The following KCNMB2 variants were observed in gnomAD, a reference collection of about 807,000 sequenced individuals.
The protein encoded by KCNMB2 is potassium calcium-activated channel subfamily M regulatory beta subunit 2.
In KCNMB2, 9 loss-of-function variants were observed where a neutral mutation model predicts 24.5. That is an observed-to-expected ratio of 0.37 (90% CI 0.22 to 0.64). The LOEUF (loss-of-function observed/expected upper bound fraction) is 0.64, where lower values mean the gene tolerates loss of function less well. Ranked by LOEUF, KCNMB2 falls within the 30% of genes least tolerant of loss-of-function variation. KCNMB2 has a pLI of 0.63. For missense variants in KCNMB2, 226 were observed against 284.3 expected (o/e 0.79, Z 1.47); for synonymous variants, 109 against 104.4 (o/e 1.04, Z -0.27).
chr3:178,720,005 G>A (rs565836176), intron 1 of KCNMB2, among the ~76,000 whole-genome samples: 1 of 152,042 alleles, frequency 6.6e-6, no homozygotes, highest in South Asian at 2.1e-4. Context: ...TATACTTTAA[G>A]TTTTAGGGTA....
intron 1 of KCNMB2, among the ~76,000 whole-genome samples, chr3:178,555,052 G>C (rs558291971): frequency 9.9e-5 from 15 of 152,210 alleles, no homozygotes; most frequent in Admixed American, 7.8e-4. Flanking sequence ...TGAAAAGAGA[G>C]GTGATAGAAA....
rs902963845 is a variant in KCNMB2, at chr3:178,658,897, G to A, written c.-68+122186G>A. ...AATCTCATTAAGTCTGGCATGCACA[G>A]TGCTGAGTGAACATGAATGACATAC... On this transcript the variant is annotated intron_variant, in intron 1 of 4. Transcript: ENST00000452583. Among the ~76,000 whole-genome samples, 9 of 152,336 alleles carry A rather than the reference G, an allele frequency of 5.9e-5. No homozygotes were observed. In the Middle Eastern group the frequency reaches 0.01, roughly 173 times the overall value.
rs1436386549 is a variant in KCNMB2 at position 178,755,194 on chromosome 3, T to A, written c.-67-52149T>A. ...AGCAACAAGGAGACATGCCTGTGCA[T>A]AGCAGGAGCACTCAAAAAACGCCCC... On this transcript the variant is annotated intron_variant, in intron 1 of 4. Coordinates refer to ENST00000452583, the MANE Select transcript of KCNMB2 (RefSeq NM_181361.3). Among the ~76,000 whole-genome samples, 3 of 152,306 alleles carry A rather than the reference T, an allele frequency of 2.0e-5. No individual in the cohort carries two copies. The South Asian group carries it at 6.2e-4, about 32-fold the overall frequency.
intron 4 of KCNMB2, among the ~76,000 whole-genome samples, chr3:178,830,849 A>T (rs1715027007): frequency 6.6e-6 from 1 of 152,126 alleles, no homozygotes; most frequent in African/African-American, 2.4e-5. Context: ...TGTGTTGTAA[A>T]TATCTTCTCG....
chr3:178,786,349 C>A (rs1713097556), intron 1 of KCNMB2, among the ~76,000 whole-genome samples: 1 of 152,140 alleles, frequency 6.6e-6, no homozygotes, highest in Admixed American at 6.6e-5. Flanking sequence ...AAAATTTCCA[C>A]AATTAATCAT....
intron 1 of KCNMB2, among the ~76,000 whole-genome samples, chr3:178,779,242 T>C (rs148568896): frequency 3.9e-5 from 6 of 152,322 alleles, no homozygotes; most frequent in African/African-American, 1.4e-4. Flanking sequence ...CCAGAAATTC[T>C]TCCCACTGTT....
intron 1 of KCNMB2, among the ~76,000 whole-genome samples, chr3:178,693,936 T>G (rs888557881): frequency 9.2e-5 from 14 of 151,934 alleles, no homozygotes; most frequent in African/African-American, 3.4e-4. Context: ...TGCCTCAATT[T>G]CAGAGCTCAT....
In KCNMB2 at chr3:178,682,117, T is replaced by C. The variant is rs73044295; in HGVS notation, c.-67-125226T>C. Among the ~76,000 whole-genome samples the C allele has an allele frequency of 1.7e-3, 253 of 152,298 alleles. 1 individual carries two copies. The highest frequency in any genetic ancestry group is 5.8e-3 in the African/African-American group (242 of 41,580). On this transcript the variant is annotated intron_variant, in intron 1 of 4. Coordinates refer to ENST00000452583, the MANE Select transcript of KCNMB2 (RefSeq NM_181361.3). ...CCCCTGCCATTCTTCTCCACTTCCC[T>C]GGTCAAGTGGAAGGACATGGAGTAT...
At chr3:178,613,578 T>C (rs1032660426) in intron 1 of KCNMB2, among the ~76,000 whole-genome samples, 5 of 152,184 alleles carry the variant, frequency 3.3e-5, no homozygotes, top group African/African-American at 1.2e-4. Context: ...TTCTCCTTCA[T>C]GATGAAGGAT....
intron 1 of KCNMB2, among the ~76,000 whole-genome samples, chr3:178,694,177 C>T (rs1311401440): frequency 6.6e-6 from 1 of 152,170 alleles, no homozygotes; most frequent in African/African-American, 2.4e-5. Context: ...AATGAGTGGA[C>T]AGTGGACTGG....
At chr3:178,818,243 C>T (rs1219459096) in intron 2 of KCNMB2, among the ~76,000 whole-genome samples, 2 of 152,130 alleles carry the variant, frequency 1.3e-5, no homozygotes, top group African/African-American at 4.8e-5. Context: ...ACAAATGATG[C>T]CCAGATCTAA....
chr3:178,789,628 T>G (rs1055514773), intron 1 of KCNMB2, among the ~76,000 whole-genome samples: 1 of 152,134 alleles, frequency 6.6e-6, no homozygotes, highest in Non-Finnish European at 1.5e-5. Flanking sequence ...GGACTTTGCA[T>G]TGAAATTCAC....
At chr3:178,762,120 G>A (rs1458797033) in intron 1 of KCNMB2, among the ~76,000 whole-genome samples, 15 of 152,114 alleles carry the variant, frequency 9.9e-5, no homozygotes, top group African/African-American at 3.4e-4. Flanking sequence ...GCAGTGAGCC[G>A]AGATCGCACC....
At chr3:178,818,869 CA>C (rs1714510260) in intron 2 of KCNMB2, among the ~76,000 whole-genome samples, 1 of 152,116 alleles carries the variant, frequency 6.6e-6, no homozygotes, top group African/African-American at 2.4e-5. Context: ...TCCCTGCCCA[CA>C]ATATCCTGGA....
intron 1 of KCNMB2, among the ~76,000 whole-genome samples, chr3:178,678,999 T>C (rs980909748): frequency 6.8e-6 from 1 of 147,884 alleles, no homozygotes; most frequent in South Asian, 2.1e-4. Context: ...GTTGTTGTTG[T>C]TGTCATTGTT....
chr3:178,783,190 T>C (rs910613255), intron 1 of KCNMB2, among the ~76,000 whole-genome samples: 6 of 152,306 alleles, frequency 3.9e-5, no homozygotes, highest in Admixed American at 3.3e-4. Context: ...TTTTGGTTAC[T>C]GTAGCCTTGT....
chr3:178,753,218 A>C (rs1434923471), intron 1 of KCNMB2, among the ~76,000 whole-genome samples: 2 of 152,170 alleles, frequency 1.3e-5, no homozygotes, highest in Non-Finnish European at 2.9e-5. Flanking sequence ...AACCTTGTAA[A>C]GCACTTTAAA....
intron 1 of KCNMB2, among the ~76,000 whole-genome samples, chr3:178,678,677 T>G (rs1364422254): frequency 6.6e-6 from 1 of 152,188 alleles, no homozygotes; most frequent in Non-Finnish European, 1.5e-5. Flanking sequence ...GATGCTGCTG[T>G]ATCCAAAAGA....
chr3:178,713,520 A>G (rs1722519780), intron 1 of KCNMB2, among the ~76,000 whole-genome samples: 1 of 152,238 alleles, frequency 6.6e-6, no homozygotes, highest in Admixed American at 6.5e-5. Context: ...CAACAAATCT[A>G]GAAACCAAAC....
Sources: allele counts gnomAD v4.1 joint callset (sites outside exome capture counted in the v4.1 genomes callset), GRCh38; gene constraint gnomAD v4.1.1; transcripts MANE v1.5; gene names NCBI Gene and HGNC (gene_info 2026-07-23, HGNC 2026-07-21).